RGS3: variants seen among roughly 807,000 people sequenced by gnomAD.
RGS3 encodes the protein regulator of G-protein signalling 3.
In RGS3, 80 loss-of-function variants were observed where a neutral mutation model predicts 132.6. The observed-to-expected ratio is 0.60, with a 90% confidence interval of 0.50 to 0.73. RGS3 has a LOEUF of 0.73. Ranked by LOEUF, RGS3 falls within the 30% of genes least tolerant of loss-of-function variation. The pLI is 0.00. For synonymous variants in RGS3, 598 were observed against 620.6 expected (o/e 0.96, Z 0.54); for missense variants, 1,382 against 1,530.8 (o/e 0.90, Z 1.62).
intron 19 of RGS3, among the ~76,000 whole-genome samples, chr9:113,568,436 C>T (rs1588264553): frequency 6.6e-6 from 1 of 152,230 alleles, no homozygotes; most frequent in African/African-American, 2.4e-5. Context: ...TGTTTCTCAC[C>T]TCAGTTTCTC....
chr9:113,485,811 C>A, intron 7 of RGS3, 118 bp downstream of exon 5: 1 of 692,094 alleles, frequency 1.4e-6, no homozygotes, highest in Non-Finnish European at 2.5e-6. Context: ...GTGATAGTGG[C>A]AATACTAAAT....
At chr9:113,555,068 C>G (rs1833512870) in intron 19 of RGS3, among the ~76,000 whole-genome samples, 2 of 152,070 alleles carry the variant, frequency 1.3e-5, no homozygotes, top group Non-Finnish European at 2.9e-5. Flanking sequence ...TTTGAATTGT[C>G]TTTCCTTTCT....
chr9:113,522,844 G>A, intron 16 of RGS3, 86 bp from the exon 15 acceptor site: 1 of 847,468 alleles, frequency 1.2e-6, no homozygotes, highest in South Asian at 1.3e-5. Flanking sequence ...GGAGGCTGTG[G>A]CTCCCCACCT....
intron 7 of RGS3, among the ~76,000 whole-genome samples, chr9:113,490,631 A>G (rs2119252521): frequency 8.5e-6 from 1 of 117,912 alleles, no homozygotes; most frequent in South Asian, 2.3e-4. Flanking sequence ...TTATACCTCC[A>G]AAGATTATGT....
At chr9:113,584,469 T>G in intron 20 of RGS3, 42 bp downstream of exon 18, 1 of 1,488,052 alleles carries the variant, frequency 6.7e-7, no homozygotes. Context: ...ACATGCAATG[T>G]GGGGAGGGCT....
At chr9:113,528,552 C>T (rs989035097) in intron 17 of RGS3, among the ~76,000 whole-genome samples, 2 of 152,184 alleles carry the variant, frequency 1.3e-5, no homozygotes, top group Admixed American at 6.5e-5. Context: ...CTTCCCTCGG[C>T]GTTGACATTG....
exon 25 of RGS3, chr9:113,596,911 C>T (rs1461520205): frequency 2.5e-6 from 4 of 1,612,924 alleles, no homozygotes; most frequent in South Asian, 1.1e-5. Flanking sequence ...CTGACCTCTA[C>T]CTGGACCTTA....
exon 25 of RGS3, chr9:113,596,993 C>T (rs1410703286): frequency 2.0e-6 from 3 of 1,535,668 alleles, no homozygotes; most frequent in Non-Finnish European, 2.6e-6. Context: ...ACCAGGCGGG[C>T]TGGGTCCCCT....
intron 19 of RGS3, among the ~76,000 whole-genome samples, chr9:113,552,333 T>C (rs1227576526): frequency 2.0e-5 from 3 of 152,350 alleles, no homozygotes; most frequent in Admixed American, 6.5e-5. Context: ...ATTTATTTTT[T>C]TGAGACGGAG....
At chr9:113,568,508 T>C (rs1834109402) in intron 19 of RGS3, among the ~76,000 whole-genome samples, 1 of 152,254 alleles carries the variant, frequency 6.6e-6, no homozygotes, top group South Asian at 2.1e-4. Context: ...TCCAGTTCTC[T>C]GATTCTTTGC....
intron 10 of RGS3, chr9:113,505,156 G>T (rs943165053): frequency 4.3e-6 from 2 of 461,986 alleles, no homozygotes; most frequent in East Asian, 7.3e-5. Context: ...CTGGGGCTCA[G>T]GATGGCAAAG....
rs911760991 is a variant in RGS3, at chr9:113,543,106, C to T, written c.2037+6188C>T. 4.6e-5 allele frequency among the ~76,000 whole-genome samples: 7 copies of T among 152,200 alleles called. No individual in the cohort carries two copies. In the South Asian group the frequency reaches 8.3e-4, roughly 18 times the overall value. ...CCCAAGGCTGCAGGTCTGAGGGACA[C>T]GGCTCATGGGCAAAAGGGTATCAAG... On this transcript the variant is annotated intron_variant, in intron 19 of 24. Transcript: ENST00000350696.
intron 19 of RGS3, among the ~76,000 whole-genome samples, chr9:113,540,726 C>A (rs1397288651): frequency 6.6e-6 from 1 of 152,216 alleles, no homozygotes; most frequent in East Asian, 1.9e-4. Context: ...ATCCATCACC[C>A]CCTTTCCTCG....
At chr9:113,498,920 T>TGAA (rs1408911582) in intron 10 of RGS3, among the ~76,000 whole-genome samples, 1 of 102,462 alleles carries the variant, frequency 9.8e-6, no homozygotes, top group African/African-American at 4.1e-5. Flanking sequence ...CTGTCTCAAT[T>TGAA]GAAAAAAAAA....
intron 7 of RGS3, among the ~76,000 whole-genome samples, chr9:113,492,340 C>T (rs545689371): frequency 1.1e-4 from 16 of 152,282 alleles, no homozygotes; most frequent in Admixed American, 2.0e-4. Context: ...AGGTCTTCTT[C>T]CAGCCTGTGA....
intron 17 of RGS3, among the ~76,000 whole-genome samples, chr9:113,527,016 C>G (rs1832241691): frequency 6.6e-6 from 1 of 152,214 alleles, no homozygotes. Context: ...TTATGAGGCT[C>G]TGAACCATGC....
At chr9:113,484,855 C>G (rs961993087) in intron 6 of RGS3, among the ~76,000 whole-genome samples, 1 of 152,038 alleles carries the variant, frequency 6.6e-6, no homozygotes, top group Non-Finnish European at 1.5e-5. Flanking sequence ...TTTTCTCTTA[C>G]TACATAAAGT....
At chr9:113,504,585 C>T (rs1831049794) in intron 10 of RGS3, among the ~76,000 whole-genome samples, 1 of 152,232 alleles carries the variant, frequency 6.6e-6, no homozygotes, top group Non-Finnish European at 1.5e-5. Flanking sequence ...CCCTGCTTCA[C>T]TCTGGAGAGG....
intron 19 of RGS3, among the ~76,000 whole-genome samples, chr9:113,549,972 C>T (rs548541454): frequency 6.6e-6 from 1 of 152,314 alleles, no homozygotes; most frequent in East Asian, 1.9e-4. Flanking sequence ...CCACTGCACT[C>T]CAGCAGTGAG....
Sources: allele counts gnomAD v4.1 joint callset (sites outside exome capture counted in the v4.1 genomes callset), GRCh38; gene constraint gnomAD v4.1.1; transcripts MANE v1.5; gene names NCBI Gene and HGNC (gene_info 2026-07-23, HGNC 2026-07-21).